SLC35F5: variants seen among roughly 807,000 people sequenced by gnomAD.
The protein encoded by SLC35F5 is HCV NS5A-transactivated protein 3.
A neutral mutation model predicts 68.6 loss-of-function variants in SLC35F5; 54 were observed. The observed-to-expected ratio is 0.79, with a 90% CI of 0.63 to 0.99. SLC35F5 has a LOEUF of 0.99. SLC35F5 is among the 50% of genes least tolerant of loss of function. The pLI, the probability that SLC35F5 is intolerant of heterozygous loss-of-function variation, is 0.00. For missense variants in SLC35F5, 567 were observed against 626.9 expected, an observed-to-expected ratio of 0.90 and a Z score of 1.02; for synonymous variants, 211 against 205.2, an observed-to-expected ratio of 1.03 and a Z score of -0.24.
At chr2:113,751,461 G>A (rs1676734564) in intron 3 of SLC35F5, among the ~76,000 whole-genome samples, 2 of 152,162 alleles carry the variant, frequency 1.3e-5, no homozygotes, top group Admixed American at 6.5e-5. Context: ...CAATCCAGGA[G>A]GAAAGTGCAA....
At chr2:113,735,400 A>T (rs1388333894) in intron 8 of SLC35F5, among the ~76,000 whole-genome samples, 1 of 152,228 alleles carries the variant, frequency 6.6e-6, no homozygotes, top group Non-Finnish European at 1.5e-5. Context: ...CTACACAGCT[A>T]GGCTATATGC....
In SLC35F5 at chr2:113,753,162, G is replaced by GTTTTTTTTTTTTTTTTTTTTTTTTTTTT. The variant is rs143010470; in HGVS notation, c.273+2002_273+2003insAAAAAAAAAAAAAAAAAAAAAAAAAAAA. Among the ~76,000 whole-genome samples the GTTTTTTTTTTTTTTTTTTTTTTTTTTTT allele has an allele frequency of 3.2e-4, 16 of 50,542 alleles. 1 individual carries two copies. The highest frequency in any genetic ancestry group is 0.013 in the Middle Eastern group (1 of 76). 33.2% of individuals were successfully genotyped at this position (50,542 alleles called of 152,430 possible). ...AATACACACTTTATCTCCAAAGTTT[G>GTTTTTTTTTTTTTTTTTTTTTTTTTTTT]TTTTTCTTTTTTTTTTTTTTTTTTT... On this transcript the variant is annotated intron_variant, in intron 3 of 15. Coordinates refer to ENST00000245680, the MANE Select transcript of SLC35F5 (RefSeq NM_025181.5).
At chr2:113,716,810 C>G (rs953746400) in intron 15 of SLC35F5, among the ~76,000 whole-genome samples, 1 of 152,074 alleles carries the variant, frequency 6.6e-6, no homozygotes, top group African/African-American at 2.4e-5. Flanking sequence ...AAACCATGTG[C>G]AGGTATAAAC....
chr2:113,755,258 G>C lies in SLC35F5; in HGVS notation c.180C>G (p.Asn60Lys). The change falls in exon 3 of 16, where the codon AAC becomes AAG. Residue 60 changes from asparagine (N) to lysine (K), a missense_variant. Asn to Lys is a moderately conservative substitution (Grantham distance 94, BLOSUM62 0). Transcript: ENST00000245680. Reference protein sequence around the residue: ...VFVMNRMNSQNSGFTQRRRMA... With the variant: ...VFVMNRMNSQKSGFTQRRRMA... ...TTCGCCTGCGCTGAGTGAAACCACT[G>C]TTCTGGGAATTCATTCGGTTCATGA... is the stretch of plus-strand genomic sequence containing the variant. The C allele has an allele frequency of 6.2e-7, 1 of 1,614,120 alleles. No individual in the cohort carries two copies. The highest frequency in any genetic ancestry group is 1.1e-5 in the South Asian group (1 of 91,084).
chr2:113,732,207 T>C (rs1196149077), intron 9 of SLC35F5, among the ~76,000 whole-genome samples: 1 of 152,210 alleles, frequency 6.6e-6, no homozygotes, highest in East Asian at 1.9e-4. Context: ...CTCATGATTT[T>C]AGTGGATAAA....
At chr2:113,730,512 A>C (rs1687840372) in intron 10 of SLC35F5, among the ~76,000 whole-genome samples, 1 of 152,238 alleles carries the variant, frequency 6.6e-6, no homozygotes, top group South Asian at 2.1e-4. Flanking sequence ...AGCACAGCTC[A>C]CTGGGTAGTA....
rs545129890 is a variant in SLC35F5, at chr2:113,726,238, T to C, written c.1091-701A>G. Among the ~76,000 whole-genome samples, 25 of 152,294 alleles carry C rather than the reference T, an allele frequency of 1.6e-4. 1 individual carries two copies. The South Asian group carries it at 2.3e-3, about 14-fold the overall frequency. On this transcript the variant is annotated intron_variant, in intron 11 of 15. Transcript: ENST00000245680. ...TCTATAAGCATAAAATAACATTTAA[T>C]AATATTTAATTAGGTTGCTGGGAAG...
intron 7 of SLC35F5, chr2:113,742,380 T>A: frequency 2.3e-6 from 1 of 436,062 alleles, no homozygotes; most frequent in Non-Finnish European, 4.1e-6. Flanking sequence ...GTAAAATAAC[T>A]CTATTCATAA....
At chr2:113,727,698 C>T (rs1053929162) in intron 11 of SLC35F5, among the ~76,000 whole-genome samples, 1 of 152,108 alleles carries the variant, frequency 6.6e-6, no homozygotes, top group African/African-American at 2.4e-5. Flanking sequence ...GCCTGAAGAG[C>T]CCCCAACATC....
intron 4 of SLC35F5, among the ~76,000 whole-genome samples, chr2:113,748,575 CTTTT>C (rs764029670): frequency 3.3e-5 from 5 of 152,156 alleles, no homozygotes; most frequent in Non-Finnish European, 5.9e-5. Context: ...TTATTTTCCT[CTTTT>C]TGTTTCTCTG....
In SLC35F5 at chr2:113,712,761, G is replaced by A. The variant is rs1008967389; in HGVS notation, c.*2457C>T. The A allele has an allele frequency of 1.3e-5, 2 of 152,238 alleles. No homozygotes were observed. Among genetic ancestry groups the A allele is most frequent in the Non-Finnish European group, 2.9e-5 (2 of 68,048 alleles). 9.4% of individuals were successfully genotyped at this position (152,238 alleles called of 1,614,324 possible). On this transcript the variant is annotated 3_prime_UTR_variant, in exon 16 of 16. Coordinates refer to ENST00000245680, the MANE Select transcript of SLC35F5 (RefSeq NM_025181.5). ...CGTTATACAATAATGAGATTTAAGT[G>A]ATGAATGGAAAGAAAAGAAGGAGAC...
chr2:113,740,964 T>C (rs1272069614), intron 7 of SLC35F5, among the ~76,000 whole-genome samples: 1 of 152,122 alleles, frequency 6.6e-6, no homozygotes, highest in Admixed American at 6.5e-5. Flanking sequence ...ATCTGTTAGC[T>C]CTCTGCTTTC....
At chr2:113,723,233 T>C (rs1024562028) in intron 12 of SLC35F5, 39 bp from the exon 13 acceptor site, 1 of 1,225,270 alleles carries the variant, frequency 8.2e-7, no homozygotes. Flanking sequence ...ATTTAAAAAA[T>C]TAAACCAAAG....
At position 113,717,688 on chromosome 2, in the gene SLC35F5, T is replaced by G. The variant is rs1042398860; in HGVS notation, c.*22+65A>C. 4.4e-6 allele frequency: 5 copies of G among 1,142,028 alleles called. No homozygotes were observed. The African/African-American group carries it at 6.3e-5, about 14-fold the overall frequency. 70.7% of individuals were successfully genotyped at this position (1,142,028 alleles called of 1,614,324 possible). ...CTCTCAAACAACTAATTATAGAAAATCAATCCTTTGAATATTACACAGATA... is the reference window on the plus strand; with the variant it reads ...CTCTCAAACAACTAATTATAGAAAAGCAATCCTTTGAATATTACACAGATA... On this transcript the variant is annotated intron_variant, in intron 15 of 15. Transcript: ENST00000245680.
chr2:113,724,508 A>G (rs1442317537), intron 12 of SLC35F5, among the ~76,000 whole-genome samples: 1 of 152,152 alleles, frequency 6.6e-6, no homozygotes, highest in Non-Finnish European at 1.5e-5. Flanking sequence ...TATTACACAA[A>G]AGAGAGTGAT....
rs1266893526 is a variant in SLC35F5 at position 113,713,049 on chromosome 2, G to T, written c.*2169C>A. ...TTAACTATGAAGGTGCAGAAAGGAAGTCTTCAACTGCTCACTCACCATGGC... is the reference window on the plus strand; with the variant it reads ...TTAACTATGAAGGTGCAGAAAGGAATTCTTCAACTGCTCACTCACCATGGC... On this transcript the variant is annotated 3_prime_UTR_variant, in exon 16 of 16. Coordinates refer to ENST00000245680, the MANE Select transcript of SLC35F5 (RefSeq NM_025181.5). The T allele has an allele frequency of 6.6e-6, 1 of 152,172 alleles. No homozygotes were observed. The highest frequency in any genetic ancestry group is 1.5e-5 in the Non-Finnish European group (1 of 68,044). 9.4% of individuals were successfully genotyped at this position (152,172 alleles called of 1,614,324 possible). A position where few individuals can be genotyped will look rare whatever the true frequency, so the allele number is the denominator to read the frequency against.
chr2:113,753,805 T>C lies in SLC35F5; in HGVS notation c.273+1360A>G, dbSNP rs1221054629. On this transcript the variant is annotated intron_variant, in intron 3 of 15. Coordinates refer to ENST00000245680, the MANE Select transcript of SLC35F5 (RefSeq NM_025181.5). ...TTTTGTCCTAAATTTTATTAACTAA[T>C]ATATAAAAACAAACTATTTATTTTA... Among the ~76,000 whole-genome samples the C allele has an allele frequency of 3.3e-5, 5 of 152,116 alleles. No individual in the cohort carries two copies. In the East Asian group the frequency reaches 9.6e-4, roughly 29 times the overall value.
chr2:113,721,616 GA>G (rs1574217596), intron 13 of SLC35F5, among the ~76,000 whole-genome samples: 1 of 151,922 alleles, frequency 6.6e-6, no homozygotes, highest in African/African-American at 2.4e-5. Context: ...GTACAATAAA[GA>G]TGATTTACAC....
intron 6 of SLC35F5, among the ~76,000 whole-genome samples, 175 bp from the exon 7 acceptor site, chr2:113,743,054 A>G (rs1434743676): frequency 6.6e-6 from 1 of 152,246 alleles, no homozygotes; most frequent in African/African-American, 2.4e-5. Context: ...TAAAAGAGTT[A>G]AAAGGAAAAA....
Sources: gnomAD v4.1 joint callset for allele counts (sites outside exome capture counted in the v4.1 genomes callset) on GRCh38, gnomAD v4.1.1 for gene constraint, MANE v1.5 for transcripts, NCBI Gene and HGNC (gene_info 2026-07-23, HGNC 2026-07-21) for gene names.